TCF4: variants seen among roughly 807,000 people sequenced by gnomAD.
The protein encoded by TCF4 is transcription factor 4, also known as SL3-3 enhancer factor 2.
Under a neutral mutation model 82.1 loss-of-function variants are expected in TCF4, and 3 were observed. The observed-to-expected ratio is 0.04, with a 90% CI of 0.02 to 0.09. The LOEUF (loss-of-function observed/expected upper bound fraction) is 0.09, where lower values mean the gene tolerates loss of function less well. Ranked by LOEUF, TCF4 falls within the 10% of genes least tolerant of loss-of-function variation. The pLI is 1.00. For missense variants in TCF4, 518 were observed against 852.7 expected (o/e 0.61, Z 4.89); for synonymous variants, 276 against 309.6 (o/e 0.89, Z 1.14).
chr18:55,363,649 T>C (rs368029424), intron 6 of TCF4, among the ~76,000 whole-genome samples: 1 of 151,940 alleles, frequency 6.6e-6, no homozygotes, highest in Non-Finnish European at 1.5e-5. Flanking sequence ...CTACTAAAAA[T>C]ACAAAAATTA....
intron 6 of TCF4, among the ~76,000 whole-genome samples, chr18:55,393,413 C>A (rs977132933): frequency 6.6e-6 from 1 of 152,118 alleles, no homozygotes; most frequent in Admixed American, 6.6e-5. Context: ...AATAGGAATT[C>A]ATCTGCATAT....
At chr18:55,442,805 G>T (rs182755102) in intron 5 of TCF4, among the ~76,000 whole-genome samples, 1 of 152,202 alleles carries the variant, frequency 6.6e-6, no homozygotes, top group African/African-American at 2.4e-5. Context: ...AAGAACTTTT[G>T]CATTTCCACA....
intron 3 of TCF4, among the ~76,000 whole-genome samples, chr18:55,559,404 G>T (rs1184052270): frequency 6.6e-6 from 1 of 152,086 alleles, no homozygotes; most frequent in Non-Finnish European, 1.5e-5. Flanking sequence ...TAGGTGAAAT[G>T]AAGTGCACTT....
upstream of TCF4, chr18:55,589,382 T>TCA: frequency 9.5e-7 from 1 of 1,055,090 alleles, no homozygotes; most frequent in Non-Finnish European, 1.1e-6. Context: ...GTACTTAGTA[T>TCA]CTCACATGTG....
At chr18:55,310,949 G>A (rs558273758) in intron 8 of TCF4, among the ~76,000 whole-genome samples, 11 of 152,228 alleles carry the variant, frequency 7.2e-5, no homozygotes, top group Admixed American at 5.9e-4. Context: ...TATGTTTAGG[G>A]TATGCAGACA....
chr18:55,373,781 C>A (rs532690387), intron 6 of TCF4, among the ~76,000 whole-genome samples: 1 of 151,914 alleles, frequency 6.6e-6, no homozygotes, highest in East Asian at 1.9e-4. Flanking sequence ...CCACTACACT[C>A]CAACCTGAGT....
chr18:55,422,489 C>T, intron 5 of TCF4: 10 of 973,966 alleles, frequency 1.0e-5, no homozygotes, highest in Non-Finnish European at 1.2e-5. Flanking sequence ...AAGTACTTTC[C>T]TATTATTAAA....
intron 5 of TCF4, among the ~76,000 whole-genome samples, chr18:55,426,721 T>C (rs1380439579): frequency 7.0e-6 from 1 of 142,098 alleles, no homozygotes; most frequent in Non-Finnish European, 1.5e-5. Flanking sequence ...AATATTTCAA[T>C]ACCCTCTCCC....
intron 8 of TCF4, among the ~76,000 whole-genome samples, chr18:55,294,225 A>G (rs2065908964): frequency 6.6e-6 from 1 of 151,280 alleles, no homozygotes; most frequent in Non-Finnish European, 1.5e-5. Context: ...GCGCCACTGC[A>G]CTCCAGCCTG....
intron 2 of TCF4, chr18:55,596,185 G>C: frequency 7.4e-6 from 3 of 404,490 alleles, no homozygotes; most frequent in South Asian, 5.2e-5. Flanking sequence ...AGCTGAGATG[G>C]TGCCACTGCA....
intron 6 of TCF4, among the ~76,000 whole-genome samples, chr18:55,356,019 C>T (rs561723710): frequency 6.6e-6 from 1 of 152,166 alleles, no homozygotes; most frequent in African/African-American, 2.4e-5. Flanking sequence ...TGCTCTAAAC[C>T]ATACTTTCTT....
At chr18:55,401,328 A>G (rs1465901179) in intron 6 of TCF4, 10 of 1,168,846 alleles carry the variant, frequency 8.6e-6, no homozygotes, top group Non-Finnish European at 1.1e-5. Context: ...CGACCACGCT[A>G]AGCACAGAGA....
At chr18:55,564,160 G>A (rs1399930391) in intron 3 of TCF4, among the ~76,000 whole-genome samples, 1 of 152,194 alleles carries the variant, frequency 6.6e-6, no homozygotes, top group East Asian at 1.9e-4. Context: ...TACTGCATGT[G>A]CAAAGGCCCT....
chr18:55,253,296 T>TAACCATGC (rs2055805221), intron 15 of TCF4, among the ~76,000 whole-genome samples: 1 of 152,170 alleles, frequency 6.6e-6, no homozygotes, highest in Admixed American at 6.5e-5. Context: ...TGCATTTCCT[T>TAACCATGC]TTGGGACCAT....
chr18:55,445,628 A>G (rs1026484396), intron 5 of TCF4, among the ~76,000 whole-genome samples: 9 of 152,194 alleles, frequency 5.9e-5, no homozygotes, highest in African/African-American at 2.2e-4. Flanking sequence ...GAGAGCTACA[A>G]TTCAAGATGA....
chr18:55,397,573 T>A (rs2049860015), intron 6 of TCF4, among the ~76,000 whole-genome samples: 1 of 152,142 alleles, frequency 6.6e-6, no homozygotes, highest in Admixed American at 6.6e-5. Context: ...ACAGCTCTAG[T>A]TTAAAAGAAA....
chr18:55,466,444 C>A (rs1020171085), intron 3 of TCF4, among the ~76,000 whole-genome samples: 1 of 152,068 alleles, frequency 6.6e-6, no homozygotes, highest in Non-Finnish European at 1.5e-5. Flanking sequence ...TTACAGTGAA[C>A]TACGATTGTG....
chr18:55,552,130 T>G (rs2097265293), intron 3 of TCF4, among the ~76,000 whole-genome samples: 1 of 152,192 alleles, frequency 6.6e-6, no homozygotes. Context: ...CCATTCCATC[T>G]AGGATTGCTT....
chr18:55,509,699 A>T (rs967943746), intron 3 of TCF4, among the ~76,000 whole-genome samples: 1 of 152,122 alleles, frequency 6.6e-6, no homozygotes, highest in South Asian at 2.1e-4. Flanking sequence ...AGTTAATATC[A>T]TTCCTCAAAA....
Sources: gnomAD v4.1 joint callset for allele counts (sites outside exome capture counted in the v4.1 genomes callset) on GRCh38, gnomAD v4.1.1 for gene constraint, MANE v1.5 for transcripts, NCBI Gene and HGNC (gene_info 2026-07-23, HGNC 2026-07-21) for gene names.